The following KCNT2 variants were observed in gnomAD, a reference collection of about 807,000 sequenced individuals.
KCNT2 encodes the protein potassium sodium-activated channel subfamily T member 2.
In KCNT2, 67 loss-of-function variants were observed where a neutral mutation model predicts 153.8. That is an observed-to-expected ratio of 0.44 (90% confidence interval 0.36 to 0.53). The LOEUF is 0.53. KCNT2 is among the 20% of genes least tolerant of loss of function. KCNT2 has a pLI of 0.00. For missense variants in KCNT2, 975 were observed against 1,354.8 expected (o/e 0.72, Z 4.40); for synonymous variants, 500 against 458.8 (o/e 1.09, Z -1.15).
chr1:196,536,189 C>T lies in KCNT2; in HGVS notation c.96-43848G>A, dbSNP rs534867803. Among the ~76,000 whole-genome samples the T allele has an allele frequency of 5.3e-5, 8 of 152,318 alleles. No homozygotes were observed. The South Asian group carries it at 1.7e-3, about 32-fold the overall frequency. On this transcript the variant is annotated intron_variant, in intron 1 of 27. Transcript: ENST00000294725. ...CTATCTTTACAGGCATTGGGCCAGG[C>T]AATAACAGGTTACTATTCAGCCCCA...
chr1:196,433,397 G>A (rs1481394211), intron 8 of KCNT2, among the ~76,000 whole-genome samples: 1 of 152,078 alleles, frequency 6.6e-6, no homozygotes, highest in South Asian at 2.1e-4. Context: ...CATGTTGTAT[G>A]ATTCTGTTTA....
chr1:196,281,839 C>G (rs1659132321), intron 24 of KCNT2, among the ~76,000 whole-genome samples: 1 of 151,512 alleles, frequency 6.6e-6, no homozygotes, highest in African/African-American at 2.4e-5. Context: ...TCACTGCAAG[C>G]TCTGCCCCCT....
chr1:196,253,981 G>A (rs1012010598), intron 26 of KCNT2, among the ~76,000 whole-genome samples: 3 of 151,408 alleles, frequency 2.0e-5, no homozygotes, highest in Non-Finnish European at 4.4e-5. Context: ...GAGAAATTAT[G>A]CAAAATATTG....
In KCNT2 at chr1:196,525,757, T is replaced by A. The variant is rs530979270; in HGVS notation, c.96-33416A>T. On this transcript the variant is annotated intron_variant, in intron 1 of 27. Transcript: ENST00000294725. Reference sequence around the variant, plus strand: ...TTTACATTACTGTTTACAGCCATGTTGGCCAGAATCAAGAAGTGTGAAAAC... The same window carrying A: ...TTTACATTACTGTTTACAGCCATGTAGGCCAGAATCAAGAAGTGTGAAAAC... Among the ~76,000 whole-genome samples, 4 of 152,368 alleles carry A rather than the reference T, an allele frequency of 2.6e-5. No homozygotes were observed. In the South Asian group the frequency reaches 6.2e-4, roughly 24 times the overall value.
At chr1:196,516,228 C>G (rs1025866135) in intron 1 of KCNT2, among the ~76,000 whole-genome samples, 2 of 152,176 alleles carry the variant, frequency 1.3e-5, no homozygotes, top group Non-Finnish European at 2.9e-5. Flanking sequence ...AGATGGAGCT[C>G]CCAGAGGGAG....
chr1:196,309,947 A>T (rs1363523746), intron 21 of KCNT2, among the ~76,000 whole-genome samples: 1 of 151,928 alleles, frequency 6.6e-6, no homozygotes, highest in African/African-American at 2.4e-5. Flanking sequence ...TCAGTGATGT[A>T]AATATAATTG....
chr1:196,555,671 C>A lies in KCNT2; in HGVS notation c.95+52544G>T, dbSNP rs1658547314. On this transcript the variant is annotated intron_variant, in intron 1 of 27. Transcript: ENST00000294725. The stretch of plus-strand genomic sequence containing the variant: ...AATATATAAAATTTATATGGAATCA[C>A]AAAACACCCAGATAGCAAAGGTTAT... Among the ~76,000 whole-genome samples, 3 of 151,082 alleles carry A rather than the reference C, an allele frequency of 2.0e-5. No homozygotes were observed. In the South Asian group the frequency reaches 6.2e-4, roughly 31 times the overall value.
At chr1:196,388,163 G>A (rs1670159684) in intron 13 of KCNT2, among the ~76,000 whole-genome samples, 1 of 151,664 alleles carries the variant, frequency 6.6e-6, no homozygotes, top group South Asian at 2.1e-4. Context: ...TGAACTATCT[G>A]TTGAAGATTA....
rs1284065812 is a variant in KCNT2 at position 196,455,126 on chromosome 1, T to C, written c.638+10167A>G. ...TCATCTCTCTTTCCCTTCTGTCTCA[T>C]CTCTCCTTATAGTGCATTTATTTGA... On this transcript the variant is annotated intron_variant, in intron 8 of 27. Transcript: ENST00000294725. 2.6e-5 allele frequency among the ~76,000 whole-genome samples: 4 copies of C among 152,086 alleles called. No homozygotes were observed. In the East Asian group the frequency reaches 7.8e-4, roughly 30 times the overall value.
intron 1 of KCNT2, among the ~76,000 whole-genome samples, chr1:196,563,471 AC>A (rs1435295503): frequency 3.9e-4 from 2 of 5,080 alleles, no homozygotes; most frequent in Non-Finnish European, 0.011. Context: ...AAAAAAAAAA[AC>A]TTTTCAAACT....
chr1:196,283,899 T>G (rs1403606138), intron 23 of KCNT2, among the ~76,000 whole-genome samples: 1 of 151,908 alleles, frequency 6.6e-6, no homozygotes, highest in Non-Finnish European at 1.5e-5. Context: ...CAAATGCAGG[T>G]ATGTATTGAA....
Position 196,317,926 on chromosome 1 carries a change from C to T in KCNT2, c.2348+1558G>A, listed in dbSNP as rs915726745. ...TAAATTTGGAATAATATTTCTGAAC[C>T]ATGTGGAAGCTTTTTAATTATTTTC... On this transcript the variant is annotated intron_variant, in intron 20 of 27. Transcript: ENST00000294725. 2.0e-5 allele frequency among the ~76,000 whole-genome samples: 3 copies of T among 151,594 alleles called. No individual in the cohort carries two copies. In the East Asian group the frequency reaches 5.8e-4, roughly 29 times the overall value.
rs896298297 is a variant in KCNT2, at chr1:196,226,498, C to T, written c.*1726G>A. The T allele has an allele frequency of 1.3e-5, 2 of 151,956 alleles. No homozygotes were observed. Among genetic ancestry groups the T allele is most frequent in the African/African-American group, 4.8e-5 (2 of 41,430 alleles). The allele number at this position is 151,956 out of a possible 1,614,324, so 9.4% of individuals were successfully genotyped here. On this transcript the variant is annotated 3_prime_UTR_variant, in exon 28 of 28. Coordinates refer to ENST00000294725, the MANE Select transcript of KCNT2 (RefSeq NM_198503.5). ...AATTTTAGCTAACCTGTTATAAATTCTACTTCTCTGATCAAAGTAGATTAA... is the reference window on the plus strand; with the variant it reads ...AATTTTAGCTAACCTGTTATAAATTTTACTTCTCTGATCAAAGTAGATTAA...
chr1:196,587,185 A>C (rs1662791866), intron 1 of KCNT2, among the ~76,000 whole-genome samples: 1 of 152,108 alleles, frequency 6.6e-6, no homozygotes, highest in Non-Finnish European at 1.5e-5. Flanking sequence ...CAACATATTG[A>C]TGACTTCTAA....
intron 1 of KCNT2, among the ~76,000 whole-genome samples, chr1:196,597,899 TATG>T (rs200856547): frequency 0.058 from 8,757 of 152,276 alleles, 383 homozygotes; most frequent in Non-Finnish European, 0.085. Flanking sequence ...AACTTCACTT[TATG>T]ATATGTAAAT....
intron 20 of KCNT2, among the ~76,000 whole-genome samples, 196 bp from the exon 21 acceptor site, chr1:196,316,222 G>T (rs113198908): frequency 6.6e-6 from 1 of 151,510 alleles, no homozygotes; most frequent in Non-Finnish European, 1.5e-5. Flanking sequence ...TTTATTTTGG[G>T]TACTTTACAT....
intron 1 of KCNT2, among the ~76,000 whole-genome samples, chr1:196,580,037 A>C (rs1294967058): frequency 6.6e-6 from 1 of 152,190 alleles, no homozygotes; most frequent in Non-Finnish European, 1.5e-5. Context: ...TAGAATAAAA[A>C]GATTTTCAGA....
At chr1:196,411,231 T>C (rs1309759122) in intron 12 of KCNT2, among the ~76,000 whole-genome samples, 3 of 151,336 alleles carry the variant, frequency 2.0e-5, no homozygotes, top group Non-Finnish European at 4.4e-5. Flanking sequence ...CAGTTGACTA[T>C]ATGTGCATAG....
chr1:196,296,512 G>C (rs1232857177), intron 22 of KCNT2, among the ~76,000 whole-genome samples: 1 of 151,964 alleles, frequency 6.6e-6, no homozygotes, highest in Non-Finnish European at 1.5e-5. Flanking sequence ...ACATCTTGTG[G>C]AGAAATTTAT....
Sources: allele counts gnomAD v4.1 joint callset (sites outside exome capture counted in the v4.1 genomes callset), GRCh38; gene constraint gnomAD v4.1.1; transcripts MANE v1.5; gene names NCBI Gene and HGNC (gene_info 2026-07-23, HGNC 2026-07-21).